Variants in RNF175 observed in about 807,000 individuals in gnomAD.
RNF175 encodes the protein ring finger protein 175.
RNF175 carries 38 observed loss-of-function variants against 50.0 expected under a neutral mutation model. That is an observed-to-expected ratio of 0.76 (90% CI 0.59 to 1.00). The LOEUF (loss-of-function observed/expected upper bound fraction) is 1.00, where lower values mean the gene tolerates loss of function less well. Ranked by LOEUF, RNF175 falls within the 50% of genes least tolerant of loss-of-function variation. RNF175 has a pLI of 0.00. For synonymous variants in RNF175, 155 were observed against 146.1 expected (o/e 1.06, Z -0.44); for missense variants, 388 against 409.6 (o/e 0.95, Z 0.46).
intron 8 of RNF175, among the ~76,000 whole-genome samples, chr4:153,711,035 T>C (rs1322055925): frequency 6.6e-6 from 1 of 152,220 alleles, no homozygotes; most frequent in African/African-American, 2.4e-5. Context: ...TTTTCTTATA[T>C]TGAGTCTCAA....
At chr4:153,722,029 A>G (rs1738369348) in intron 5 of RNF175, among the ~76,000 whole-genome samples, 1 of 152,224 alleles carries the variant, frequency 6.6e-6, no homozygotes, top group Non-Finnish European at 1.5e-5. Flanking sequence ...CTGACTCTCC[A>G]TCTGATTGCC....
chr4:153,731,916 G>A (rs1356626680), intron 3 of RNF175, among the ~76,000 whole-genome samples: 2 of 151,972 alleles, frequency 1.3e-5, no homozygotes, highest in South Asian at 4.2e-4. Flanking sequence ...ATGAAGGAGA[G>A]TGTGAATATA....
intron 3 of RNF175, among the ~76,000 whole-genome samples, chr4:153,735,593 A>G (rs1739313329): frequency 6.6e-6 from 1 of 152,170 alleles, no homozygotes; most frequent in South Asian, 2.1e-4. Context: ...GATTGTGTTT[A>G]ATCTATAGAT....
At chr4:153,724,797 T>C (rs531533400) in intron 4 of RNF175, among the ~76,000 whole-genome samples, 107 of 152,168 alleles carry the variant, frequency 7.0e-4, no homozygotes, top group African/African-American at 2.3e-3. Flanking sequence ...ATCACTTCTA[T>C]GGTGAACCAC....
At chr4:153,714,437 A>G (rs1034337211) in intron 7 of RNF175, 1 of 152,236 alleles carries the variant, frequency 6.6e-6, no homozygotes, top group Non-Finnish European at 1.5e-5. Context: ...GAAACTGTCC[A>G]GATTAAACAG....
At chr4:153,728,175 G>A (rs751894269) in intron 4 of RNF175, 32 bp downstream of exon 4, 2 of 1,519,236 alleles carry the variant, frequency 1.3e-6, no homozygotes, top group Non-Finnish European at 8.9e-7. Flanking sequence ...AAATAAAGGG[G>A]CTCCTGGGGA....
At chr4:153,742,051 G>T (rs1739688851) in intron 3 of RNF175, among the ~76,000 whole-genome samples, 1 of 152,108 alleles carries the variant, frequency 6.6e-6, no homozygotes, top group African/African-American at 2.4e-5. Flanking sequence ...GAGGCAGGCG[G>T]ATCACCTGAG....
chr4:153,745,349 G>C (rs1482200818), intron 3 of RNF175, among the ~76,000 whole-genome samples: 2 of 152,188 alleles, frequency 1.3e-5, no homozygotes, highest in African/African-American at 4.8e-5. Context: ...GATGCACCCT[G>C]CTCTAACCAT....
chr4:153,748,940 G>A (rs111347205), intron 2 of RNF175, 154 bp from the exon 3 acceptor site: 9 of 676,662 alleles, frequency 1.3e-5, no homozygotes, highest in African/African-American at 3.7e-5. Context: ...AGCTTTGATT[G>A]TAAAGTTTTT....
At chr4:153,715,415 G>C (rs933803242) in intron 7 of RNF175, 114 bp downstream of exon 7, 1 of 1,003,212 alleles carries the variant, frequency 1.0e-6, no homozygotes, top group African/African-American at 1.6e-5. Flanking sequence ...AAGGACTGGG[G>C]TTTGGGCATG....
intron 7 of RNF175, 91 bp downstream of exon 7, chr4:153,715,438 G>C (rs1438861201): frequency 2.3e-6 from 3 of 1,282,108 alleles, no homozygotes; most frequent in South Asian, 2.6e-5. Context: ...AGGTAAGCAA[G>C]ATGGAGGAGA....
intron 3 of RNF175, among the ~76,000 whole-genome samples, chr4:153,735,874 T>C (rs1372561920): frequency 2.0e-5 from 3 of 152,230 alleles, no homozygotes; most frequent in Admixed American, 2.0e-4. Context: ...ACTTATTATT[T>C]CCATGAGTTT....
At chr4:153,735,287 ATCTT>A (rs1560784858) in intron 3 of RNF175, among the ~76,000 whole-genome samples, 1 of 151,036 alleles carries the variant, frequency 6.6e-6, no homozygotes, top group Non-Finnish European at 1.5e-5. Flanking sequence ...TGGAAAGACT[ATCTT>A]TCTCTATTGA....
intron 3 of RNF175, among the ~76,000 whole-genome samples, chr4:153,742,398 G>A (rs1244591091): frequency 6.6e-6 from 1 of 151,992 alleles, no homozygotes; most frequent in African/African-American, 2.4e-5. Flanking sequence ...CAATGGTTGA[G>A]CATTCTCTCT....
At chr4:153,728,943 G>A (rs1202459227) in intron 3 of RNF175, among the ~76,000 whole-genome samples, 1 of 152,224 alleles carries the variant, frequency 6.6e-6, no homozygotes, top group Non-Finnish European at 1.5e-5. Flanking sequence ...TTCGTTTGGT[G>A]CATAAACCTT....
At chr4:153,716,150 A>G (rs1737915373) in intron 6 of RNF175, among the ~76,000 whole-genome samples, 1 of 152,034 alleles carries the variant, frequency 6.6e-6, no homozygotes, top group Non-Finnish European at 1.5e-5. Flanking sequence ...GAAGAATGCT[A>G]CAGAGGGGTT....
At chr4:153,715,403 T>A in intron 7 of RNF175, 126 bp downstream of exon 7, 1 of 880,994 alleles carries the variant, frequency 1.1e-6, no homozygotes, top group Non-Finnish European at 1.8e-6. Context: ...GGCTGGAGGA[T>A]AAAGGACTGG....
chr4:153,723,273 T>C (rs1738462569), intron 5 of RNF175, 78 bp downstream of exon 5: 1 of 722,940 alleles, frequency 1.4e-6, no homozygotes, highest in East Asian at 2.7e-5. Flanking sequence ...CAGATGCTTC[T>C]GGATTAAGAG....
In RNF175 at chr4:153,728,456, C is replaced by G. The variant is rs1738844382; in HGVS notation, c.247-95G>C. On this transcript the variant is annotated intron_variant, in intron 3 of 8. Coordinates refer to ENST00000347063, the MANE Select transcript of RNF175 (RefSeq NM_173662.4). ...GAGTCTGAAGCATTGCTGGGAGAAC[C>G]ACCTTCACCATCATGTCTGTACCAT... The G allele has an allele frequency of 3.0e-6, 3 of 1,005,714 alleles. No homozygotes were observed. In the South Asian group the frequency reaches 4.3e-5, roughly 15 times the overall value. 62.3% of individuals were successfully genotyped at this position (1,005,714 alleles called of 1,614,324 possible). A position where few individuals can be genotyped will look rare whatever the true frequency, so the allele number is the denominator to read the frequency against.
Sources: allele counts gnomAD v4.1 joint callset (sites outside exome capture counted in the v4.1 genomes callset), GRCh38; gene constraint gnomAD v4.1.1; transcripts MANE v1.5; gene names NCBI Gene and HGNC (gene_info 2026-07-23, HGNC 2026-07-21).